Variants in OCM observed in about 807,000 individuals in gnomAD.
OCM encodes oncomodulin, also known as oncomodulin-1.
OCM carries 18 observed loss-of-function variants against 14.1 expected under a neutral mutation model. The ratio of observed to expected loss-of-function variants is 1.28; its 90% confidence interval spans 0.88 to 1.89. The LOEUF (loss-of-function observed/expected upper bound fraction) is 1.89, where lower values mean the gene tolerates loss of function less well. OCM is among the 40% of genes most tolerant of loss of function. The pLI is 0.00. For synonymous variants in OCM, 48 were observed against 51.0 expected (o/e 0.94, Z 0.25); for missense variants, 140 against 137.6 (o/e 1.02, Z -0.09).
the OCM span, among the ~76,000 whole-genome samples, chr7:5,869,045 A>G: frequency 6.6e-6 from 1 of 152,168 alleles, no homozygotes; most frequent in Non-Finnish European, 1.5e-5. Context: ...CCTGGGCAAC[A>G]GAGTGAGACT....
the OCM span, among the ~76,000 whole-genome samples, chr7:5,862,777 A>G: frequency 3.3e-5 from 5 of 152,162 alleles, no homozygotes; most frequent in African/African-American, 9.7e-5. Flanking sequence ...CGTAAAATGT[A>G]GATCTACTGA....
the OCM span, among the ~76,000 whole-genome samples, chr7:5,869,240 C>G: frequency 6.6e-6 from 1 of 152,118 alleles, no homozygotes; most frequent in African/African-American, 2.4e-5. Flanking sequence ...GCCAGGCCCT[C>G]CTAGACACAC....
At chr7:5,865,307 C>G in the OCM span, among the ~76,000 whole-genome samples, 1 of 152,166 alleles carries the variant, frequency 6.6e-6, no homozygotes, top group African/African-American at 2.4e-5. Flanking sequence ...TCTAGAAAAC[C>G]AGGACATGCT....
chr7:5,883,142 A>G (rs6943500), intron 2 of OCM, among the ~76,000 whole-genome samples: 138,569 of 152,192 alleles, frequency 0.91, 63,156 homozygotes, highest in Middle Eastern at 0.97. Flanking sequence ...GTGCCCAGCC[A>G]CAAAGATTCT....
chr7:5,880,047 T>G (rs1781176935), upstream of OCM: 1 of 152,228 alleles, frequency 6.6e-6, no homozygotes, highest in Admixed American at 6.5e-5. Flanking sequence ...ACTCCTGTTT[T>G]CCGGTGGCTC....
intron 3 of OCM, among the ~76,000 whole-genome samples, chr7:5,884,845 CG>C (rs1212370333): frequency 6.6e-6 from 1 of 152,012 alleles, no homozygotes; most frequent in Non-Finnish European, 1.5e-5. Context: ...AGGGGCTGGG[CG>C]TGGTGGCTCA....
chr7:5,864,130 A>G, the OCM span, among the ~76,000 whole-genome samples: 1 of 151,992 alleles, frequency 6.6e-6, no homozygotes, highest in Admixed American at 6.6e-5. Flanking sequence ...GCTTGAGCCC[A>G]TGAGTGCAAG....
chr7:5,862,138 C>T, the OCM span, among the ~76,000 whole-genome samples: 2 of 152,100 alleles, frequency 1.3e-5, no homozygotes, highest in Non-Finnish European at 2.9e-5. Flanking sequence ...GCCATCCATA[C>T]TGAAAGTTCG....
At chr7:5,885,954 C>T (rs898121157) in intron 3 of OCM, 110 bp from the exon 4 acceptor site, 8 of 1,300,304 alleles carry the variant, frequency 6.2e-6, no homozygotes, top group South Asian at 6.1e-5. Context: ...TGCCCATCAT[C>T]TGACAATTTT....
chr7:5,861,564 A>G, the OCM span, among the ~76,000 whole-genome samples: 1 of 152,192 alleles, frequency 6.6e-6, no homozygotes, highest in African/African-American at 2.4e-5. Flanking sequence ...AGGAGAGCCA[A>G]GAGAGTTGCT....
chr7:5,867,850 C>T, the OCM span, among the ~76,000 whole-genome samples: 3 of 152,120 alleles, frequency 2.0e-5, no homozygotes, highest in African/African-American at 7.2e-5. Flanking sequence ...CAGCCTTGAC[C>T]TCCTGGGCCC....
upstream of OCM, among the ~76,000 whole-genome samples, chr7:5,877,745 G>C (rs1223803127): frequency 6.9e-6 from 1 of 144,722 alleles, no homozygotes; most frequent in African/African-American, 2.6e-5. Context: ...GCTTGAACCT[G>C]GGAGGTGGAG....
the OCM span, among the ~76,000 whole-genome samples, chr7:5,860,591 C>CGT: frequency 1.8e-5 from 1 of 54,388 alleles, no homozygotes; most frequent in Non-Finnish European, 3.1e-5. Flanking sequence ...CGTATATATA[C>CGT]GTGTATATAT....
At chr7:5,880,724 A>C (rs1285389474), upstream of OCM, 12 of 606,278 alleles carry the variant, frequency 2.0e-5, no homozygotes, top group Non-Finnish European at 2.5e-5. Context: ...ACGCTCTTGC[A>C]CTCCAGCCTG....
the OCM span, among the ~76,000 whole-genome samples, chr7:5,863,640 C>G: frequency 6.6e-6 from 1 of 151,144 alleles, no homozygotes; most frequent in Non-Finnish European, 1.5e-5. Flanking sequence ...TCAAGCGATT[C>G]TCCTGCATCA....
chr7:5,884,104 TA>T, intron 3 of OCM, 105 bp downstream of exon 3: 1 of 1,167,800 alleles, frequency 8.6e-7, no homozygotes, highest in African/African-American at 1.5e-5. Flanking sequence ...CTCCCTTTCT[TA>T]AACTTACCGA....
At chr7:5,859,821 G>A in the OCM span, among the ~76,000 whole-genome samples, 1 of 151,712 alleles carries the variant, frequency 6.6e-6, no homozygotes, top group African/African-American at 2.4e-5. Flanking sequence ...CCTCAGCCTC[G>A]TGAGTAGCTG....
intron 1 of OCM, among the ~76,000 whole-genome samples, chr7:5,881,779 A>C (rs954807890): frequency 1.3e-5 from 2 of 152,048 alleles, no homozygotes; most frequent in African/African-American, 4.8e-5. Context: ...GAAACCTACT[A>C]AACATGAAAG....
At chr7:5,861,296 C>G in the OCM span, among the ~76,000 whole-genome samples, 1 of 152,038 alleles carries the variant, frequency 6.6e-6, no homozygotes, top group Non-Finnish European at 1.5e-5. Flanking sequence ...TGCTGCGTGC[C>G]TGTAATCCCA....
Sources: gnomAD v4.1 joint callset for allele counts (sites outside exome capture counted in the v4.1 genomes callset) on GRCh38, gnomAD v4.1.1 for gene constraint, MANE v1.5 for transcripts, NCBI Gene and HGNC (gene_info 2026-07-23, HGNC 2026-07-21) for gene names.